The following DSCAM variants were observed in gnomAD, a reference collection of about 807,000 sequenced individuals.
DSCAM encodes the protein DS cell adhesion molecule.
A neutral mutation model predicts 217.7 loss-of-function variants in DSCAM; 47 were observed. The ratio of observed to expected loss-of-function variants is 0.22; its 90% confidence interval spans 0.17 to 0.28. The LOEUF (loss-of-function observed/expected upper bound fraction) is 0.28, where lower values mean the gene tolerates loss of function less well. Ranked by LOEUF, DSCAM falls within the 10% of genes least tolerant of loss-of-function variation. The pLI is 1.00. For missense variants in DSCAM, 2,080 were observed against 2,618.3 expected, an observed-to-expected ratio of 0.79 and a Z score of 4.49; for synonymous variants, 1,056 against 1,015.3, an observed-to-expected ratio of 1.04 and a Z score of -0.76.
chr21:40,577,634 G>A (rs921354253), intron 3 of DSCAM, among the ~76,000 whole-genome samples: 16 of 152,170 alleles, frequency 1.1e-4, no homozygotes, highest in African/African-American at 1.7e-4. Flanking sequence ...GACGGCTAAC[G>A]CTCAAAATTC....
chr21:40,439,892 G>C (rs192605747), intron 3 of DSCAM, among the ~76,000 whole-genome samples: 1 of 152,056 alleles, frequency 6.6e-6, no homozygotes, highest in East Asian at 2.0e-4. Flanking sequence ...CCTCCCACCA[G>C]GTCCCTCCCA....
chr21:40,569,269 G>A (rs2076787951), intron 3 of DSCAM, among the ~76,000 whole-genome samples: 1 of 152,154 alleles, frequency 6.6e-6, no homozygotes, highest in African/African-American at 2.4e-5. Flanking sequence ...GTGATAAACA[G>A]TTTTATGTAT....
chr21:40,082,439 G>A (rs10222094), intron 24 of DSCAM, among the ~76,000 whole-genome samples: 17,519 of 152,182 alleles, frequency 0.12, 1,344 homozygotes, highest in Admixed American at 0.23. Flanking sequence ...CGGCCTGGGC[G>A]ACAGAGTGAG....
intron 11 of DSCAM, among the ~76,000 whole-genome samples, chr21:40,227,142 CTTAGG>C (rs2091340364): frequency 6.6e-6 from 1 of 152,060 alleles, no homozygotes; most frequent in South Asian, 2.1e-4. Context: ...TTAGTAGTTT[CTTAGG>C]CTCTAGGAGG....
At chr21:40,434,886 C>T (rs2075569120) in intron 3 of DSCAM, among the ~76,000 whole-genome samples, 1 of 152,194 alleles carries the variant, frequency 6.6e-6, no homozygotes, top group African/African-American at 2.4e-5. Context: ...TATTTCCTCA[C>T]AGCCTTGAGA....
chr21:40,095,326 G>A (rs2089662614), intron 20 of DSCAM, among the ~76,000 whole-genome samples: 1 of 152,154 alleles, frequency 6.6e-6, no homozygotes, highest in African/African-American at 2.4e-5. Context: ...GATTTGGCTG[G>A]GGACATGGAG....
intron 11 of DSCAM, among the ~76,000 whole-genome samples, chr21:40,192,732 C>T (rs111230488): frequency 2.6e-5 from 4 of 152,278 alleles, no homozygotes; most frequent in Non-Finnish European, 5.9e-5. Flanking sequence ...CAAGGTTCAT[C>T]CATGTCATAG....
chr21:40,658,948 C>T (rs1488704870), intron 3 of DSCAM, among the ~76,000 whole-genome samples: 1 of 152,144 alleles, frequency 6.6e-6, no homozygotes, highest in Non-Finnish European at 1.5e-5. Context: ...GTGCACACCT[C>T]ATCTGTTCTG....
chr21:40,644,581 G>C (rs1424115999), intron 3 of DSCAM, among the ~76,000 whole-genome samples: 2 of 152,124 alleles, frequency 1.3e-5, no homozygotes, highest in Admixed American at 6.5e-5. Context: ...ATCTTTCATA[G>C]GGTGTGACTA....
chr21:40,606,430 T>G (rs1458386726), intron 3 of DSCAM, among the ~76,000 whole-genome samples: 1 of 152,252 alleles, frequency 6.6e-6, no homozygotes, highest in Non-Finnish European at 1.5e-5. Context: ...ATGTTTAGTG[T>G]TGGCAACTAT....
chr21:40,253,194 T>C (rs1460116779), intron 11 of DSCAM, among the ~76,000 whole-genome samples: 3 of 152,184 alleles, frequency 2.0e-5, no homozygotes, highest in Non-Finnish European at 4.4e-5. Flanking sequence ...GAGGGAATTC[T>C]GTAGCACAAG....
chr21:40,408,254 G>C (rs1405363235), intron 3 of DSCAM, among the ~76,000 whole-genome samples: 1 of 152,090 alleles, frequency 6.6e-6, no homozygotes, highest in African/African-American at 2.4e-5. Context: ...TGGATGATGA[G>C]AAAGAAAGAA....
rs538410478 is a variant in DSCAM, at chr21:40,636,823, C to A, written c.508+55987G>T. Reference sequence around the variant, plus strand: ...CCACTCCATAGCTTGAGGATATGCTCCCTCAAAATAAACGCACCTGTCATC... The same window carrying A: ...CCACTCCATAGCTTGAGGATATGCTACCTCAAAATAAACGCACCTGTCATC... On this transcript the variant is annotated intron_variant, in intron 3 of 32. Coordinates refer to ENST00000400454, the MANE Select transcript of DSCAM (RefSeq NM_001389.5). Among the ~76,000 whole-genome samples, 106 of 148,128 alleles carry A rather than the reference C, an allele frequency of 7.2e-4. 1 individual carries two copies. The highest frequency in any genetic ancestry group is 5.1e-3 in the South Asian group (24 of 4,676).
chr21:40,145,120 TTG>T (rs1005651075), intron 16 of DSCAM, among the ~76,000 whole-genome samples: 12 of 152,196 alleles, frequency 7.9e-5, no homozygotes. Context: ...CAGATCATGT[TTG>T]TGGCGTCTCC....
intron 8 of DSCAM, among the ~76,000 whole-genome samples, chr21:40,330,881 C>A (rs769886827): frequency 2.6e-5 from 4 of 152,076 alleles, no homozygotes; most frequent in Non-Finnish European, 5.9e-5. Context: ...ACATTTAATA[C>A]GTTACCATTC....
intron 1 of DSCAM, among the ~76,000 whole-genome samples, chr21:40,737,040 G>A (rs530423466): frequency 3.3e-5 from 5 of 152,274 alleles, no homozygotes; most frequent in African/African-American, 1.2e-4. Flanking sequence ...ATTTCAATCA[G>A]AAAGCAAGTT....
At chr21:40,655,672 T>A (rs1437328890) in intron 3 of DSCAM, among the ~76,000 whole-genome samples, 1 of 152,092 alleles carries the variant, frequency 6.6e-6, no homozygotes, top group Non-Finnish European at 1.5e-5. Context: ...ATACTGGTCA[T>A]GAACTCCTGG....
In DSCAM at chr21:40,080,201, C is replaced by T; in HGVS notation, c.4371G>A (p.Val1457=). 1 of 1,608,540 alleles carries T rather than the reference C, an allele frequency of 6.2e-7. No individual in the cohort carries two copies. The highest frequency in any genetic ancestry group is 8.5e-7 in the Non-Finnish European group (1 of 1,178,168). ...TGATTTCACTTATGCGCCCTGGGCC[C>T]ACTCCATTTTGGGCTGTCAGTGTGA... The part of the protein sequence containing the change: ...YKFTLTAQNG[V]GPGRISEIIE... Residue 1457 remains valine, a synonymous_variant, in exon 25 of 33, where the codon GTG becomes GTA. Coordinates refer to ENST00000400454, the MANE Select transcript of DSCAM (RefSeq NM_001389.5).
intron 16 of DSCAM, among the ~76,000 whole-genome samples, chr21:40,161,052 A>G (rs1444879516): frequency 6.6e-6 from 1 of 151,324 alleles, no homozygotes. Context: ...CTGCCTGAGC[A>G]TCAGACCTAG....
Sources: allele counts gnomAD v4.1 joint callset (sites outside exome capture counted in the v4.1 genomes callset), GRCh38; gene constraint gnomAD v4.1.1; transcripts MANE v1.5; gene names NCBI Gene and HGNC (gene_info 2026-07-23, HGNC 2026-07-21).